Variants in MAP4 observed in about 807,000 individuals in gnomAD.
MAP4 encodes the protein microtubule-associated protein 4.
Under a neutral mutation model 170.2 loss-of-function variants are expected in MAP4, and 76 were observed. That is an observed-to-expected ratio of 0.45 (90% confidence interval 0.37 to 0.54). The LOEUF is 0.54. Among genes scored for constraint, MAP4 ranks in the 20% least tolerant of loss-of-function variants. The pLI, the probability that MAP4 is intolerant of heterozygous loss-of-function variation, is 0.00. For missense variants in MAP4, 2,506 were observed against 2,748.0 expected (o/e 0.91, Z 1.97); for synonymous variants, 909 against 994.5 (o/e 0.91, Z 1.62).
chr3:47,949,567 G>A (rs1418942922), intron 3 of MAP4, among the ~76,000 whole-genome samples: 1 of 152,038 alleles, frequency 6.6e-6, no homozygotes, highest in African/African-American at 2.4e-5. Context: ...GCGGAGTGGG[G>A]TAGGTATCCT....
intron 1 of MAP4, among the ~76,000 whole-genome samples, chr3:48,083,208 G>T (rs1035591340): frequency 6.6e-6 from 1 of 152,000 alleles, no homozygotes; most frequent in Non-Finnish European, 1.5e-5. Flanking sequence ...TTTTGATAAG[G>T]GTATCAGGTT....
chr3:47,997,056 T>C (rs969130398), intron 2 of MAP4, among the ~76,000 whole-genome samples: 4 of 151,284 alleles, frequency 2.6e-5, no homozygotes, highest in African/African-American at 4.9e-5. Context: ...CAAAAGAAAG[T>C]ACCCAAAGTA....
At chr3:47,904,942 C>T (rs1460944885) in intron 9 of MAP4, among the ~76,000 whole-genome samples, 1 of 152,132 alleles carries the variant, frequency 6.6e-6, no homozygotes, top group Non-Finnish European at 1.5e-5. Flanking sequence ...AGTGCTGGGA[C>T]TACAGGTGTG....
chr3:47,863,937 T>TGGGG (rs1553728778), intron 17 of MAP4, among the ~76,000 whole-genome samples: 1 of 138,356 alleles, frequency 7.2e-6, no homozygotes, highest in African/African-American at 2.7e-5. Context: ...TGTGTGTGTG[T>TGGGG]GGGGAGTGGT....
chr3:47,982,870 A>T (rs554218021), intron 2 of MAP4, among the ~76,000 whole-genome samples: 23 of 152,182 alleles, frequency 1.5e-4, no homozygotes, highest in Admixed American at 1.5e-3. Context: ...TGAGGAAATA[A>T]ATAAGATTAC....
chr3:48,066,963 C>T (rs1274171086), intron 1 of MAP4, among the ~76,000 whole-genome samples: 1 of 151,102 alleles, frequency 6.6e-6, no homozygotes, highest in African/African-American at 2.4e-5. Flanking sequence ...GCCTCAGCCT[C>T]CTGAGCAGCT....
At chr3:47,970,211 C>T in intron 3 of MAP4, among the ~76,000 whole-genome samples, 1 of 152,196 alleles carries the variant, frequency 6.6e-6, no homozygotes, top group East Asian at 1.9e-4. Context: ...AAAAGCTGGG[C>T]ATGGTGGCTC....
chr3:47,857,569 C>G, intron 17 of MAP4, 57 bp from the exon 18 acceptor site: 1 of 1,122,722 alleles, frequency 8.9e-7, no homozygotes, highest in East Asian at 2.4e-5. Context: ...TCAGAGCCAA[C>G]CCCATGCTAC....
At chr3:47,901,240 T>C (rs1341744305) in intron 10 of MAP4, among the ~76,000 whole-genome samples, 4 of 152,200 alleles carry the variant, frequency 2.6e-5, no homozygotes, top group Non-Finnish European at 5.9e-5. Context: ...AAACTTCTCT[T>C]ACTAGAGGAA....
At chr3:47,929,705 A>G (rs929025096) in intron 3 of MAP4, among the ~76,000 whole-genome samples, 5 of 151,758 alleles carry the variant, frequency 3.3e-5, no homozygotes, top group Admixed American at 3.3e-4. Context: ...AAAACTTATA[A>G]ACAGGAAAAA....
Position 47,969,081 on chromosome 3 carries a change from G to GATAGATAGAAA in MAP4, c.292+8783_292+8784insTTTCTATCTAT, listed in dbSNP as rs1332920638. 5.9e-5 allele frequency among the ~76,000 whole-genome samples: 9 copies of GATAGATAGAAA among 152,172 alleles called. No individual in the cohort carries two copies. The East Asian group carries it at 1.7e-3, about 29-fold the overall frequency. ...GAAAATTCCAAAACTAACATCTGTG[G>GATAGATAGAAA]CTATCTCTATAGTTTCTAACAATGC... On this transcript the variant is annotated intron_variant, in intron 3 of 20. Transcript: ENST00000683076.
At chr3:47,903,497 C>T (rs2100031259) in intron 9 of MAP4, among the ~76,000 whole-genome samples, 2 of 149,368 alleles carry the variant, frequency 1.3e-5, no homozygotes, top group Admixed American at 1.3e-4. Flanking sequence ...CGCGCCACTG[C>T]ACTCTCGCCT....
intron 1 of MAP4, among the ~76,000 whole-genome samples, chr3:48,045,300 T>A (rs192721597): frequency 6.7e-6 from 1 of 149,302 alleles, no homozygotes; most frequent in East Asian, 2.0e-4. Flanking sequence ...CATTAAAAAC[T>A]CTGTCAGTTA....
At position 47,928,272 on chromosome 3, in the gene MAP4, T is replaced by C. The variant is rs755496596; in HGVS notation, c.371A>G (p.Asn124Ser). The change falls in exon 4 of 21, where the codon AAC (asparagine) becomes AGC (serine). Residue 124 changes from asparagine (N) to serine (S), a missense_variant. Physicochemically the swap from Asn to Ser is conservative, Grantham distance 46. Coordinates refer to ENST00000683076, the MANE Select transcript of MAP4 (RefSeq NM_001385682.1). ...PNSQNWPEDT[N>S]FCFQPEQVVD... Reference sequence around the variant, plus strand: ...CACTTGCTCAGGTTGGAAACAAAAGTTGGTATCTTCTGGCCAGTTCTGGCT... The same window carrying C: ...CACTTGCTCAGGTTGGAAACAAAAGCTGGTATCTTCTGGCCAGTTCTGGCT... The C allele has an allele frequency of 1.2e-4, 197 of 1,614,058 alleles. 1 individual carries two copies. The East Asian group carries it at 4.0e-3, about 33-fold the overall frequency.
intron 3 of MAP4, among the ~76,000 whole-genome samples, chr3:47,962,502 C>A (rs2100072209): frequency 6.6e-6 from 1 of 152,200 alleles, no homozygotes; most frequent in Admixed American, 6.5e-5. Flanking sequence ...TACTCTGCCC[C>A]AGCCCTAAGG....
intron 1 of MAP4, among the ~76,000 whole-genome samples, chr3:48,069,757 A>C (rs777216450): frequency 2.0e-5 from 3 of 152,214 alleles, no homozygotes; most frequent in Non-Finnish European, 4.4e-5. Flanking sequence ...AAATATACTC[A>C]GCCCAAGAGA....
chr3:47,868,142 T>C (rs574141202), intron 16 of MAP4, among the ~76,000 whole-genome samples: 6 of 152,258 alleles, frequency 3.9e-5, no homozygotes, highest in East Asian at 3.9e-4. Context: ...CCACACTGTA[T>C]AGTACGGGAA....
intron 10 of MAP4, among the ~76,000 whole-genome samples, chr3:47,883,095 G>C (rs956240716): frequency 6.6e-6 from 1 of 152,176 alleles, no homozygotes; most frequent in Non-Finnish European, 1.5e-5. Flanking sequence ...ACAGGTGTGA[G>C]CCACTGCGCC....
chr3:47,862,428 AG>A (rs1454205008), intron 17 of MAP4, among the ~76,000 whole-genome samples: 3 of 144,616 alleles, frequency 2.1e-5, no homozygotes, highest in Non-Finnish European at 4.5e-5. Flanking sequence ...AAAGAGTTAT[AG>A]CTTGTATTAT....
Sources: allele counts gnomAD v4.1 joint callset (sites outside exome capture counted in the v4.1 genomes callset), GRCh38; gene constraint gnomAD v4.1.1; transcripts MANE v1.5; gene names NCBI Gene and HGNC (gene_info 2026-07-23, HGNC 2026-07-21).